Variants in RBPMS observed in about 807,000 individuals in gnomAD.
RBPMS encodes the protein RNA-binding protein with multiple splicing.
Under a neutral mutation model 26.8 loss-of-function variants are expected in RBPMS, and 7 were observed. The ratio of observed to expected loss-of-function variants is 0.26; its 90% CI spans 0.15 to 0.49. The LOEUF (loss-of-function observed/expected upper bound fraction) is 0.49. Among genes scored for constraint, RBPMS ranks in the 20% least tolerant of loss-of-function variants. RBPMS has a pLI of 0.98. For synonymous variants in RBPMS, 96 were observed against 93.3 expected (o/e 1.03, Z -0.17); for missense variants, 186 against 250.0 (o/e 0.74, Z 1.73).
intron 1 of RBPMS, among the ~76,000 whole-genome samples, chr8:30,419,111 C>T (rs1228938881): frequency 6.7e-6 from 1 of 149,782 alleles, no homozygotes; most frequent in African/African-American, 2.5e-5. Context: ...GTAAGATGTC[C>T]AGATGAGAAA....
chr8:30,516,236 C>T (rs1016315843), intron 5 of RBPMS, among the ~76,000 whole-genome samples: 22 of 152,154 alleles, frequency 1.4e-4, no homozygotes, highest in Non-Finnish European at 2.9e-4. Flanking sequence ...AAAAATTAGC[C>T]GGCTGTGGTG....
intron 4 of RBPMS, among the ~76,000 whole-genome samples, chr8:30,487,815 C>T (rs1818952059): frequency 6.6e-6 from 1 of 151,830 alleles, no homozygotes; most frequent in Non-Finnish European, 1.5e-5. Flanking sequence ...GAAAAATACA[C>T]CGTGAAGTAT....
chr8:30,410,195 A>G (rs1809188915), intron 1 of RBPMS, among the ~76,000 whole-genome samples: 1 of 122,902 alleles, frequency 8.1e-6, no homozygotes, highest in East Asian at 2.3e-4. Flanking sequence ...CACACACTTA[A>G]CTGCTACTCT....
Position 30,413,216 on chromosome 8 carries a change from G to A in RBPMS, c.66+28058G>A, listed in dbSNP as rs560620823. On this transcript the variant is annotated intron_variant, in intron 1 of 8. Coordinates refer to ENST00000397323, the MANE Select transcript of RBPMS (RefSeq NM_001008710.3). ...GCCTCAGCCTCCTGAGTAGCTGGGA[G>A]TACAGGCATGCACCACTATGCCCAG... Among the ~76,000 whole-genome samples the A allele has an allele frequency of 3.4e-4, 51 of 151,922 alleles. No individual in the cohort carries two copies. In the South Asian group the frequency reaches 9.8e-3, roughly 29 times the overall value.
intron 5 of RBPMS, among the ~76,000 whole-genome samples, chr8:30,508,130 T>C (rs1261459028): frequency 1.3e-5 from 2 of 151,990 alleles, no homozygotes; most frequent in African/African-American, 4.8e-5. Context: ...CTGCTATCCA[T>C]ATAAGAAGAA....
chr8:30,441,780 C>T (rs1006957975), intron 1 of RBPMS, among the ~76,000 whole-genome samples: 9 of 152,130 alleles, frequency 5.9e-5, no homozygotes, highest in African/African-American at 1.9e-4. Context: ...TTCGTGGATT[C>T]TCTTAATACC....
chr8:30,466,495 A>G (rs1201672944), intron 1 of RBPMS, among the ~76,000 whole-genome samples: 1 of 152,166 alleles, frequency 6.6e-6, no homozygotes, highest in East Asian at 1.9e-4. Flanking sequence ...GCAGTGAGCT[A>G]TGATTGCACC....
chr8:30,518,735 T>TTAGCTGTCA (rs1424735241), intron 5 of RBPMS, among the ~76,000 whole-genome samples: 5 of 128,480 alleles, frequency 3.9e-5, no homozygotes, highest in Non-Finnish European at 8.0e-5. Context: ...AGTATGATTT[T>TTAGCTGTCA]TAGCTGTCAT....
At chr8:30,418,019 C>T (rs1040342825) in intron 1 of RBPMS, among the ~76,000 whole-genome samples, 1 of 152,116 alleles carries the variant, frequency 6.6e-6, no homozygotes, top group Non-Finnish European at 1.5e-5. Context: ...ACTTGAACAA[C>T]TTATGTGCTG....
Position 30,517,189 on chromosome 8 carries a change from CGTGTGTGTGTGTGTGTGT to C in RBPMS, c.397+12785_397+12802del, listed in dbSNP as rs56327512. 7.2e-3 allele frequency among the ~76,000 whole-genome samples: 948 copies of C among 132,560 alleles called. 17 individuals are homozygous for C. The highest frequency in any genetic ancestry group is 0.025 in the African/African-American group (867 of 34,786). The allele number at this position is 132,560 out of a possible 152,430, so 87.0% of individuals were successfully genotyped here. A position where few individuals can be genotyped will look rare whatever the true frequency, so the allele number is the denominator to read the frequency against. On this transcript the variant is annotated intron_variant, in intron 5 of 8. Transcript: ENST00000397323. ...TCAATAGATATATAGGCCAAGACCCCGTGTGTGTGTGTGTGTGTGTGTGTGTGTGTGTGTGTGTGTGTG... is the reference window on the plus strand; with the variant it reads ...TCAATAGATATATAGGCCAAGACCCCGTGTGTGTGTGTGTGTGTGTGTGTG...
At chr8:30,479,534 A>C (rs1409002251) in intron 4 of RBPMS, among the ~76,000 whole-genome samples, 157 bp downstream of exon 4, 1 of 152,224 alleles carries the variant, frequency 6.6e-6, no homozygotes, top group East Asian at 1.9e-4. Flanking sequence ...AGCTTTTTCC[A>C]AGAATTGTGA....
intron 5 of RBPMS, among the ~76,000 whole-genome samples, chr8:30,522,793 C>T (rs1823197461): frequency 6.6e-6 from 1 of 152,074 alleles, no homozygotes; most frequent in Non-Finnish European, 1.5e-5. Context: ...ATGTTTCTGA[C>T]AGGCAAAAAT....
intron 1 of RBPMS, among the ~76,000 whole-genome samples, chr8:30,439,783 G>C (rs557641716): frequency 6.6e-6 from 1 of 152,002 alleles, no homozygotes; most frequent in African/African-American, 2.4e-5. Context: ...TCCTGAGTAG[G>C]TATGAATATA....
chr8:30,562,742 G>A lies in RBPMS; in HGVS notation c.*8-3515G>A, dbSNP rs538157433. Among the ~76,000 whole-genome samples the A allele has an allele frequency of 2.3e-3, 355 of 152,252 alleles. 2 individuals carry two copies. The highest frequency in any genetic ancestry group is 7.2e-3 in the African/African-American group (298 of 41,554). The stretch of plus-strand genomic sequence containing the variant: ...GGCAGAGGCCCACATGGCTCTCTCC[G>A]TTCGGCGGGGAGGGCTTTCTTCCCC... On this transcript the variant is annotated intron_variant, in intron 7 of 8. Coordinates refer to ENST00000397323, the MANE Select transcript of RBPMS (RefSeq NM_001008710.3).
At chr8:30,569,719 A>C (rs1305359395) in intron 8 of RBPMS, among the ~76,000 whole-genome samples, 1 of 152,120 alleles carries the variant, frequency 6.6e-6, no homozygotes, top group Non-Finnish European at 1.5e-5. Flanking sequence ...GGTGGAGTGG[A>C]AGGAGCAGAT....
chr8:30,517,480 T>C (rs1033295912), intron 5 of RBPMS, among the ~76,000 whole-genome samples: 3 of 152,024 alleles, frequency 2.0e-5, no homozygotes, highest in Non-Finnish European at 2.9e-5. Flanking sequence ...GGTGGAGGGG[T>C]GTCTTTCTGT....
chr8:30,447,441 G>T (rs975849720), intron 1 of RBPMS, among the ~76,000 whole-genome samples: 1 of 152,292 alleles, frequency 6.6e-6, no homozygotes, highest in Admixed American at 6.5e-5. Context: ...GCAATGTTTT[G>T]TGAATTTTGG....
chr8:30,445,649 G>GATATATATATAGATAT (rs1813652919), intron 1 of RBPMS, among the ~76,000 whole-genome samples: 2 of 107,368 alleles, frequency 1.9e-5, no homozygotes, highest in African/African-American at 3.9e-5. Flanking sequence ...TATACACACG[G>GATATATATATAGATAT]ATATATATAT....
At chr8:30,456,928 C>G (rs1815285952) in intron 1 of RBPMS, among the ~76,000 whole-genome samples, 1 of 152,210 alleles carries the variant, frequency 6.6e-6, no homozygotes, top group African/African-American at 2.4e-5. Flanking sequence ...CTCACACACA[C>G]AAAGAAACAA....
Sources: gnomAD v4.1 joint callset for allele counts (sites outside exome capture counted in the v4.1 genomes callset) on GRCh38, gnomAD v4.1.1 for gene constraint, MANE v1.5 for transcripts, NCBI Gene and HGNC (gene_info 2026-07-23, HGNC 2026-07-21) for gene names.